GLIS3: variants seen among roughly 807,000 people sequenced by gnomAD.
GLIS3 encodes GLIS family zinc finger 3.
In GLIS3, 53 loss-of-function variants were observed where a neutral mutation model predicts 78.6. That is an observed-to-expected ratio of 0.67 (90% CI 0.54 to 0.85). The LOEUF (loss-of-function observed/expected upper bound fraction) is 0.85. Ranked by LOEUF, GLIS3 falls within the 40% of genes least tolerant of loss-of-function variation. GLIS3 has a pLI of 0.00. For synonymous variants in GLIS3, 684 were observed against 509.9 expected (o/e 1.34, Z -4.60); for missense variants, 1,703 against 1,231.1 (o/e 1.38, Z -5.74).
At chr9:4,456,884 G>A in the GLIS3 span, among the ~76,000 whole-genome samples, 1 of 152,180 alleles carries the variant, frequency 6.6e-6, no homozygotes, top group Admixed American at 6.5e-5. Context: ...CAAAACAATT[G>A]CAATACTAAC....
At chr9:3,912,298 G>A (rs1295719881) in intron 6 of GLIS3, among the ~76,000 whole-genome samples, 2 of 152,176 alleles carry the variant, frequency 1.3e-5, no homozygotes, top group East Asian at 1.9e-4. Context: ...GCGTCCCGGG[G>A]CAGTCTCCTA....
intron 2 of GLIS3, among the ~76,000 whole-genome samples, chr9:4,318,131 T>C (rs989554602): frequency 7.2e-5 from 11 of 151,994 alleles, no homozygotes; most frequent in Non-Finnish European, 1.5e-4. Context: ...ACAAATGTAT[T>C]GGTATTCTTG....
At chr9:4,070,881 T>C (rs1389581906) in intron 4 of GLIS3, 1 of 152,182 alleles carries the variant, frequency 6.6e-6, no homozygotes, top group Non-Finnish European at 1.5e-5. Context: ...AAAGAGCTTC[T>C]CAACACAGTA....
At chr9:4,170,431 G>C (rs944062876) in intron 2 of GLIS3, among the ~76,000 whole-genome samples, 1 of 152,054 alleles carries the variant, frequency 6.6e-6, no homozygotes, top group Non-Finnish European at 1.5e-5. Context: ...ACATGAGTCA[G>C]CAACTAAGAC....
intron 9 of GLIS3, among the ~76,000 whole-genome samples, chr9:3,839,481 G>C (rs976423670): frequency 6.6e-6 from 1 of 151,840 alleles, no homozygotes; most frequent in East Asian, 1.9e-4. Context: ...GGAACTAATA[G>C]TTATTTACTC....
At chr9:4,441,757 C>A in the GLIS3 span, among the ~76,000 whole-genome samples, 1 of 152,142 alleles carries the variant, frequency 6.6e-6, no homozygotes, top group South Asian at 2.1e-4. Context: ...CAGGTGCTCA[C>A]CATCAAACCC....
At chr9:4,435,947 TCAAAACAAAA>T in the GLIS3 span, among the ~76,000 whole-genome samples, 38 of 151,366 alleles carry the variant, frequency 2.5e-4, no homozygotes, top group East Asian at 9.7e-4. Flanking sequence ...AGACTCCGTC[TCAAAACAAAA>T]CAAAACAAAA....
chr9:3,832,264 AAAATT>A (rs1166857495), intron 9 of GLIS3, among the ~76,000 whole-genome samples: 1 of 151,338 alleles, frequency 6.6e-6, no homozygotes, highest in Admixed American at 6.6e-5. Flanking sequence ...AATAAAAAAT[AAAATT>A]ATTTTATAAT....
chr9:4,098,988 G>A (rs971929274), intron 4 of GLIS3, among the ~76,000 whole-genome samples: 9 of 152,116 alleles, frequency 5.9e-5, no homozygotes, highest in African/African-American at 2.2e-4. Context: ...ACACATAACA[G>A]ACCAGAATGT....
the GLIS3 span, among the ~76,000 whole-genome samples, chr9:4,460,420 C>A: frequency 1.3e-5 from 2 of 152,150 alleles, no homozygotes; most frequent in Non-Finnish European, 2.9e-5. Flanking sequence ...TAATGGGTTA[C>A]CATTAGGTTG....
intron 2 of GLIS3, among the ~76,000 whole-genome samples, chr9:4,263,192 G>T (rs1484435257): frequency 6.6e-6 from 1 of 152,108 alleles, no homozygotes; most frequent in Admixed American, 6.5e-5. Context: ...AGCATCCTTT[G>T]GGTAAGTGAT....
chr9:4,352,972 C>T (rs569223730), upstream of GLIS3, among the ~76,000 whole-genome samples: 6 of 152,120 alleles, frequency 3.9e-5, no homozygotes, highest in Non-Finnish European at 7.3e-5. Context: ...TCCTCTCGCT[C>T]CTTCAGGGTT....
At chr9:4,309,009 A>T (rs1342042680) in intron 3 of GLIS3, 4 of 152,262 alleles carry the variant, frequency 2.6e-5, no homozygotes, top group African/African-American at 9.6e-5. Flanking sequence ...TTTGCCTCAC[A>T]GCATTGTTTT....
At chr9:4,367,217 C>T in the GLIS3 span, among the ~76,000 whole-genome samples, 3 of 152,224 alleles carry the variant, frequency 2.0e-5, no homozygotes, top group Non-Finnish European at 4.4e-5. Context: ...CCTGCCCACT[C>T]TCCAGCTTCA....
chr9:4,053,875 T>C lies in GLIS3; in HGVS notation c.1710+63893A>G, dbSNP rs187956538. On this transcript the variant is annotated intron_variant, in intron 4 of 10. Transcript: ENST00000381971. ...GCCTTTCTTTATGTTGCACAGACCA[T>C]CAAACACGGCAATCTGTTGTTTTTG... Among the ~76,000 whole-genome samples the C allele has an allele frequency of 9.4e-4, 143 of 152,252 alleles. 1 individual carries two copies. Among genetic ancestry groups the C allele is most frequent in the Admixed American group, 3.4e-3 (52 of 15,296 alleles).
At position 4,118,905 on chromosome 9, in the gene GLIS3, GA is replaced by G. The variant is rs759214367; in HGVS notation, c.597-25del. On this transcript the variant is annotated intron_variant, in intron 3 of 10. Coordinates refer to ENST00000381971, the MANE Select transcript of GLIS3 (RefSeq NM_001042413.2). The surrounding 1 kb of genome is among the most constrained non-coding windows in gnomAD (Gnocchi z 4.7). ...ACCTGGAACAGCAGCCAGAAAGGAA[GA>G]AAAAAAAAAGATAAACATTTTAGCA... The G allele has an allele frequency of 1.8e-4, 264 of 1,482,810 alleles. No individual in the cohort carries two copies. The highest frequency in any genetic ancestry group is 3.9e-4 in the Admixed American group (21 of 53,480). 91.9% of individuals were successfully genotyped at this position (1,482,810 alleles called of 1,614,324 possible). A position where few individuals can be genotyped will look rare whatever the true frequency, so the allele number is the denominator to read the frequency against.
At chr9:3,923,530 C>G (rs190539639) in intron 6 of GLIS3, among the ~76,000 whole-genome samples, 1 of 151,028 alleles carries the variant, frequency 6.6e-6, no homozygotes, top group East Asian at 1.9e-4. Context: ...CATGGAAAAG[C>G]AGCAGCACAT....
At chr9:4,458,696 G>T in the GLIS3 span, among the ~76,000 whole-genome samples, 1 of 152,302 alleles carries the variant, frequency 6.6e-6, no homozygotes, top group East Asian at 1.9e-4. Flanking sequence ...TACTCGGGAG[G>T]CTGAGGCAGG....
chr9:3,956,609 G>T (rs1817127333), intron 4 of GLIS3, among the ~76,000 whole-genome samples: 1 of 152,164 alleles, frequency 6.6e-6, no homozygotes, highest in Non-Finnish European at 1.5e-5. Context: ...TACACCAAAA[G>T]ACGTTGCATG....
Sources: allele counts gnomAD v4.1 joint callset (sites outside exome capture counted in the v4.1 genomes callset), GRCh38; gene constraint gnomAD v4.1.1; non-coding constraint Gnocchi (gnomAD v3.1); transcripts MANE v1.5; gene names NCBI Gene and HGNC (gene_info 2026-07-23, HGNC 2026-07-21).